Variants in ACACB observed in about 807,000 individuals in gnomAD.
ACACB encodes acetyl-CoA carboxylase 2.
ACACB carries 209 observed loss-of-function variants against 278.8 expected under a neutral mutation model. The observed-to-expected ratio is 0.75, with a 90% CI of 0.67 to 0.84. The LOEUF (loss-of-function observed/expected upper bound fraction) is 0.84. ACACB is among the 40% of genes least tolerant of loss of function. The pLI is 0.00. For missense variants in ACACB, 2,850 were observed against 3,269.0 expected, an observed-to-expected ratio of 0.87 and a Z score of 3.13; for synonymous variants, 1,174 against 1,285.6, an observed-to-expected ratio of 0.91 and a Z score of 1.86.
intron 37 of ACACB, among the ~76,000 whole-genome samples, chr12:109,244,918 T>C (rs1024601591): frequency 1.2e-4 from 19 of 152,218 alleles, no homozygotes; most frequent in Non-Finnish European, 2.5e-4. Flanking sequence ...AGTAATTTGC[T>C]GCCGGGCGTG....
chr12:109,257,381 C>T (rs1040766550), intron 45 of ACACB, among the ~76,000 whole-genome samples: 3 of 151,928 alleles, frequency 2.0e-5, no homozygotes, highest in Non-Finnish European at 4.4e-5. Context: ...GACTGCTCTC[C>T]CCCACCCCTG....
upstream of ACACB, among the ~76,000 whole-genome samples, chr12:109,114,355 A>T (rs1158787730): frequency 6.6e-6 from 1 of 152,100 alleles, no homozygotes; most frequent in Non-Finnish European, 1.5e-5. Context: ...AGAGGAAGGT[A>T]GGGAGCCTTC....
chr12:109,172,458 G>T lies in ACACB; in HGVS notation c.1117+102G>T, dbSNP rs147065928. ...CTCCTGTCCTGTAAAGCGGAGGTCC[G>T]TTTGATTTCCCACCTCACACTTCTG... On this transcript the variant is annotated intron_variant, in intron 6 of 52. Transcript: ENST00000338432. The T allele has an allele frequency of 7.2e-5, 78 of 1,083,448 alleles. 2 individuals carry two copies. In the South Asian group the frequency reaches 9.6e-4, roughly 13 times the overall value. The allele number at this position is 1,083,448 out of a possible 1,614,324, so 67.1% of individuals were successfully genotyped here.
chr12:109,259,109 G>A lies in ACACB; in HGVS notation c.6496+1G>A, dbSNP rs1372752760. 2.5e-6 allele frequency: 4 copies of A among 1,613,878 alleles called. No individual in the cohort carries two copies. The Admixed American group carries it at 6.7e-5, about 27-fold the overall frequency. ...AGGGGGTTCTCCGGTGGCATGAAAG[G>A]TAAGCCCCTCCCTGCCTATGTTACC... On this transcript the variant is annotated splice_donor_variant, in intron 47 of 52. Coordinates refer to ENST00000338432, the MANE Select transcript of ACACB (RefSeq NM_001093.4). LOFTEE classifies it high-confidence loss of function.
chr12:109,238,868 T>A (rs1393841303), intron 34 of ACACB, among the ~76,000 whole-genome samples: 1 of 143,298 alleles, frequency 7.0e-6, no homozygotes, highest in Non-Finnish European at 1.5e-5. Flanking sequence ...CCTGGCCCTA[T>A]TGATGGATAT....
At chr12:109,181,900 A>AGTG (rs1160945019) in intron 11 of ACACB, among the ~76,000 whole-genome samples, 1 of 120,058 alleles carries the variant, frequency 8.3e-6, no homozygotes, top group South Asian at 2.8e-4. Context: ...GCTGGAGTAC[A>AGTG]GTGGTGCGAT....
chr12:109,252,055 C>T lies in ACACB; in HGVS notation c.5800C>T (p.Arg1934Ter), dbSNP rs763992618. 5.0e-6 allele frequency: 8 copies of T among 1,610,540 alleles called. No individual in the cohort carries two copies. Among genetic ancestry groups the T allele is most frequent in the East Asian group, 2.2e-5 (1 of 44,688 alleles). The change falls in exon 42 of 53, where the codon CGA becomes TGA. Residue 1934 changes from arginine to a stop codon, truncating the protein, a stop_gained. Coordinates refer to ENST00000338432, the MANE Select transcript of ACACB (RefSeq NM_001093.4). LOFTEE classifies it high-confidence loss of function. The part of the protein sequence containing the change: ...EIVTISLVTC[R>*]AIGIGAYLVR... ...GGTCCTCTCTCCACAGGTGACCTGC[C>T]GAGCCATTGGGATTGGGGCCTACTT...
chr12:109,134,409 C>T (rs1190792981), intron 1 of ACACB, among the ~76,000 whole-genome samples: 7 of 152,164 alleles, frequency 4.6e-5, no homozygotes, highest in Admixed American at 4.6e-4. Context: ...CCCGTATGCC[C>T]TCCTTTCCTG....
rs142222223 is a variant in ACACB, at chr12:109,265,491, C to T, written c.7216C>T (p.Leu2406=). The T allele has an allele frequency of 2.7e-4, 430 of 1,613,794 alleles. 1 individual carries two copies. In the African/African-American group the frequency reaches 4.1e-3, roughly 15 times the overall value. ...RSTIRENITY[L]KHDSVLKTIR... is the part of the protein sequence containing the mutation. ...CACCATCCGTGAGAACATCACGTAC[C>T]TGAAGCACGACTCTGTCCTCAAGAC... The change falls in exon 52 of 53, where the codon CTG becomes TTG. Residue 2406 remains leucine, a synonymous_variant. Transcript: ENST00000338432.
intron 21 of ACACB, among the ~76,000 whole-genome samples, chr12:109,210,270 C>T (rs11503164): frequency 0.68 from 13,313 of 19,546 alleles, 5,151 homozygotes; most frequent in African/African-American, 0.74. Flanking sequence ...TGTATATGTA[C>T]ATATACACAC....
At chr12:109,224,972 C>G (rs1275522814) in intron 27 of ACACB, among the ~76,000 whole-genome samples, 1 of 152,184 alleles carries the variant, frequency 6.6e-6, no homozygotes, top group Non-Finnish European at 1.5e-5. Flanking sequence ...GTGAGTCACA[C>G]AGTGAGAAGG....
rs2047546248 is a variant in ACACB, at chr12:109,267,559, T to A, written c.*1197T>A. 1 of 152,462 alleles carries A rather than the reference T, an allele frequency of 6.6e-6. No individual in the cohort carries two copies. Among genetic ancestry groups the A allele is most frequent in the Middle Eastern group, 3.4e-3 (1 of 294 alleles). 9.4% of individuals were successfully genotyped at this position (152,462 alleles called of 1,614,324 possible). Reference sequence around the variant, plus strand: ...CTCACGAGTGTCACCTCTGTGACGGTCACCACTGCTCCCTTGGAGGGCCAC... The same window carrying A: ...CTCACGAGTGTCACCTCTGTGACGGACACCACTGCTCCCTTGGAGGGCCAC... On this transcript the variant is annotated 3_prime_UTR_variant, in exon 53 of 53. Coordinates refer to ENST00000338432, the MANE Select transcript of ACACB (RefSeq NM_001093.4).
intron 21 of ACACB, among the ~76,000 whole-genome samples, chr12:109,210,493 A>ACG (rs2045799766): frequency 6.7e-6 from 1 of 148,482 alleles, no homozygotes; most frequent in Admixed American, 6.8e-5. Flanking sequence ...GTGTATATAT[A>ACG]CATGTATGTG....
chr12:109,250,821 A>G (rs1415486792), intron 41 of ACACB, among the ~76,000 whole-genome samples: 1 of 152,192 alleles, frequency 6.6e-6, no homozygotes, highest in Non-Finnish European at 1.5e-5. Flanking sequence ...AAAGTTTTAA[A>G]GCAAGAATGA....
intron 34 of ACACB, among the ~76,000 whole-genome samples, chr12:109,239,007 C>T (rs920340116): frequency 1.3e-5 from 2 of 152,142 alleles, no homozygotes; most frequent in Non-Finnish European, 2.9e-5. Context: ...ACCTCTGCCT[C>T]CCGGGTTCAA....
At chr12:109,208,347 C>A (rs1231738081) in intron 20 of ACACB, among the ~76,000 whole-genome samples, 2 of 151,844 alleles carry the variant, frequency 1.3e-5, no homozygotes, top group African/African-American at 4.8e-5. Context: ...TTCCAAGTAG[C>A]TGGGGTTACA....
chr12:109,197,492 C>T (rs1405561401), intron 17 of ACACB, among the ~76,000 whole-genome samples: 6 of 152,240 alleles, frequency 3.9e-5, no homozygotes, highest in Non-Finnish European at 7.4e-5. Context: ...CCAGTTAGTG[C>T]GGCAGTGACC....
chr12:109,161,794 C>T (rs916587030), intron 2 of ACACB, among the ~76,000 whole-genome samples: 2 of 151,540 alleles, frequency 1.3e-5, no homozygotes, highest in Admixed American at 1.3e-4. Flanking sequence ...ATGGGTGTTC[C>T]TCTTACAAAA....
At position 109,139,931 on chromosome 12, in the gene ACACB, G is replaced by T. The variant is rs772298957; in HGVS notation, c.526G>T (p.Asp176Tyr). The stretch of plus-strand genomic sequence containing the variant: ...GGGCTCTTTTGATGACTACTCCTCC[G>T]ACGAGGACTCTGTTGCTGGCTCATC... Reference protein sequence around the residue: ...ILGSFDDYSSDEDSVAGSSRE... With the variant: ...ILGSFDDYSSYEDSVAGSSRE... Residue 176 changes from aspartate (D) to tyrosine (Y), a missense_variant, in exon 2 of 53, where the codon GAC (aspartate) becomes TAC (tyrosine). By Grantham distance (160) the Asp-to-Tyr change is radical. Coordinates refer to ENST00000338432, the MANE Select transcript of ACACB (RefSeq NM_001093.4). The T allele has an allele frequency of 6.2e-7, 1 of 1,614,100 alleles. No individual in the cohort carries two copies. Among genetic ancestry groups the T allele is most frequent in the Non-Finnish European group, 8.5e-7 (1 of 1,180,016 alleles).
Sources: allele counts gnomAD v4.1 joint callset (sites outside exome capture counted in the v4.1 genomes callset), GRCh38; gene constraint gnomAD v4.1.1; transcripts MANE v1.5; gene names NCBI Gene and HGNC (gene_info 2026-07-23, HGNC 2026-07-21).